TXNDC16: variants seen among roughly 807,000 people sequenced by gnomAD.
TXNDC16 encodes thioredoxin domain-containing protein 16.
A neutral mutation model predicts 85.6 loss-of-function variants in TXNDC16; 74 were observed. The ratio of observed to expected loss-of-function variants is 0.86; its 90% CI spans 0.72 to 1.05. The LOEUF (loss-of-function observed/expected upper bound fraction) is 1.05. TXNDC16 is among the 50% of genes least tolerant of loss of function. The pLI is 0.00. For missense variants in TXNDC16, 959 were observed against 947.0 expected (o/e 1.01, Z -0.17); for synonymous variants, 335 against 326.5 (o/e 1.03, Z -0.28).
At chr14:52,473,892 A>C (rs558218922) in intron 14 of TXNDC16, among the ~76,000 whole-genome samples, 1 of 108,626 alleles carries the variant, frequency 9.2e-6, no homozygotes, top group Admixed American at 8.9e-5. Context: ...TAAATGCCCA[A>C]GGTATTATAT....
intron 20 of TXNDC16, among the ~76,000 whole-genome samples, chr14:52,433,996 T>C (rs1234674861): frequency 6.6e-6 from 1 of 152,006 alleles, no homozygotes; most frequent in Non-Finnish European, 1.5e-5. Flanking sequence ...CTGGGCAACA[T>C]AGTGGTAGCC....
chr14:52,434,366 C>T (rs2034978991), intron 20 of TXNDC16, among the ~76,000 whole-genome samples: 1 of 152,156 alleles, frequency 6.6e-6, no homozygotes, highest in Non-Finnish European at 1.5e-5. Context: ...TTAATGTTTT[C>T]AACTGCAAAT....
chr14:52,462,119 A>G (rs1422023647), intron 16 of TXNDC16, among the ~76,000 whole-genome samples: 1 of 152,266 alleles, frequency 6.6e-6, no homozygotes, highest in Non-Finnish European at 1.5e-5. Context: ...AGAGACATCC[A>G]GACAGAAGCA....
rs1566551819 is a variant in TXNDC16, at chr14:52,482,853, AG to A, written c.1220del (p.Ala407ValfsTer5). On this transcript the variant is annotated frameshift_variant, in exon 13 of 21. Coordinates refer to ENST00000281741, the MANE Select transcript of TXNDC16 (RefSeq NM_020784.3). LOFTEE classifies it high-confidence loss of function. ...CATAGAAGAGTACTATGCTGTCAGA[AG>A]CCATCACTGTTGCATTAAATGTTTC... ...TEETFNATVM[A>X]SDSIVLFYAG... The A allele has an allele frequency of 6.2e-7, 1 of 1,612,136 alleles. No individual in the cohort carries two copies. Among genetic ancestry groups the A allele is most frequent in the Admixed American group, 1.7e-5 (1 of 59,886 alleles).
At chr14:52,450,726 A>T (rs2035387375) in intron 18 of TXNDC16, among the ~76,000 whole-genome samples, 1 of 152,004 alleles carries the variant, frequency 6.6e-6, no homozygotes, top group Non-Finnish European at 1.5e-5. Flanking sequence ...CTAAAAGTGT[A>T]TCTACCATTT....
chr14:52,477,101 A>G (rs2036035585), intron 14 of TXNDC16, among the ~76,000 whole-genome samples: 2 of 152,218 alleles, frequency 1.3e-5, no homozygotes, highest in Admixed American at 1.3e-4. Flanking sequence ...GGAAAGATAC[A>G]GTATTTTTCA....
chr14:52,456,226 C>T (rs1264158715), intron 17 of TXNDC16, among the ~76,000 whole-genome samples: 3 of 152,106 alleles, frequency 2.0e-5, no homozygotes, highest in Non-Finnish European at 2.9e-5. Context: ...CTTAAAGGAA[C>T]CTCTTAGTTG....
intron 16 of TXNDC16, among the ~76,000 whole-genome samples, chr14:52,465,591 C>CAAA (rs11411206): frequency 3.4e-5 from 3 of 88,890 alleles, no homozygotes; most frequent in Non-Finnish European, 4.6e-5. Flanking sequence ...GACTCCATCT[C>CAAA]AAAAAAAAAA....
At chr14:52,532,028 A>G (rs2037592739) in intron 6 of TXNDC16, among the ~76,000 whole-genome samples, 1 of 152,192 alleles carries the variant, frequency 6.6e-6, no homozygotes, top group South Asian at 2.1e-4. Flanking sequence ...GAATTCATTT[A>G]TAACAATGGA....
At chr14:52,494,746 T>C (rs556376630) in intron 9 of TXNDC16, among the ~76,000 whole-genome samples, 37 of 152,360 alleles carry the variant, frequency 2.4e-4, no homozygotes, top group African/African-American at 8.9e-4. Context: ...ATCACATATA[T>C]ATTTTTAAAA....
intron 6 of TXNDC16, among the ~76,000 whole-genome samples, chr14:52,519,700 C>G (rs1032013371): frequency 1.3e-5 from 2 of 152,236 alleles, no homozygotes. Context: ...TCTCCAACCT[C>G]ATTTTGCTCT....
At chr14:52,480,160 T>A (rs1011268301) in intron 14 of TXNDC16, among the ~76,000 whole-genome samples, 1 of 151,854 alleles carries the variant, frequency 6.6e-6, no homozygotes, top group Non-Finnish European at 1.5e-5. Context: ...CAAAATCAAC[T>A]CAAGATGGAG....
chr14:52,463,385 G>A (rs1287765250), intron 16 of TXNDC16, among the ~76,000 whole-genome samples: 1 of 152,046 alleles, frequency 6.6e-6, no homozygotes, highest in Non-Finnish European at 1.5e-5. Context: ...TCTACTATAG[G>A]TCCTATTTCT....
intron 7 of TXNDC16, among the ~76,000 whole-genome samples, chr14:52,518,621 C>T (rs2037139207): frequency 6.6e-6 from 1 of 152,132 alleles, no homozygotes; most frequent in Non-Finnish European, 1.5e-5. Flanking sequence ...TCTTGCTTGA[C>T]TTATTGCAAT....
chr14:52,510,773 A>G (rs967355195), intron 9 of TXNDC16, among the ~76,000 whole-genome samples: 1 of 152,230 alleles, frequency 6.6e-6, no homozygotes, highest in African/African-American at 2.4e-5. Flanking sequence ...GTGTCTCTAC[A>G]ACATTCTTTC....
chr14:52,514,617 C>T (rs1023954647), intron 8 of TXNDC16, among the ~76,000 whole-genome samples: 2 of 152,112 alleles, frequency 1.3e-5, no homozygotes, highest in Non-Finnish European at 2.9e-5. Context: ...TAAGATATCC[C>T]GCTTGGCCAC....
At chr14:52,525,036 C>A (rs570349763) in intron 6 of TXNDC16, among the ~76,000 whole-genome samples, 1 of 151,794 alleles carries the variant, frequency 6.6e-6, no homozygotes, top group Non-Finnish European at 1.5e-5. Context: ...GCAGGAGAAT[C>A]GTGTGAACCC....
At chr14:52,542,234 G>T in intron 4 of TXNDC16, 137 bp downstream of exon 4, 1 of 621,358 alleles carries the variant, frequency 1.6e-6, no homozygotes, top group Admixed American at 3.4e-5. Context: ...CTGGGCTTCT[G>T]TTTATTCTTA....
chr14:52,496,664 G>A (rs1025360062), intron 9 of TXNDC16, among the ~76,000 whole-genome samples: 3 of 149,580 alleles, frequency 2.0e-5, no homozygotes, highest in African/African-American at 7.4e-5. Flanking sequence ...GGAGTACAGT[G>A]GCATGATTAC....
Sources: gnomAD v4.1 joint callset for allele counts (sites outside exome capture counted in the v4.1 genomes callset) on GRCh38, gnomAD v4.1.1 for gene constraint, MANE v1.5 for transcripts, NCBI Gene and HGNC (gene_info 2026-07-23, HGNC 2026-07-21) for gene names.